Variants in AKAP9 observed in about 807,000 individuals in gnomAD.
AKAP9 encodes A-kinase anchor protein 9.
A neutral mutation model predicts 488.5 loss-of-function variants in AKAP9; 311 were observed. That is an observed-to-expected ratio of 0.64 (90% CI 0.58 to 0.70). The LOEUF is 0.70. Ranked by LOEUF, AKAP9 falls within the 30% of genes least tolerant of loss-of-function variation. The pLI is 0.00. For missense variants in AKAP9, 4,215 were observed against 4,374.5 expected, an observed-to-expected ratio of 0.96 and a Z score of 1.03; for synonymous variants, 1,462 against 1,483.5, an observed-to-expected ratio of 0.99 and a Z score of 0.33.
intron 46 of AKAP9, among the ~76,000 whole-genome samples, 199 bp downstream of exon 46, chr7:92,103,025 A>G (rs1265292364): frequency 6.6e-6 from 1 of 152,080 alleles, no homozygotes; most frequent in Non-Finnish European, 1.5e-5. Flanking sequence ...TGTGTAAACT[A>G]TGAAAAGGGC....
intron 1 of AKAP9, among the ~76,000 whole-genome samples, chr7:91,946,549 T>G (rs928634428): frequency 6.6e-6 from 1 of 152,044 alleles, no homozygotes; most frequent in Non-Finnish European, 1.5e-5. Flanking sequence ...TTGTTAAAAT[T>G]TTTTTGTAGA....
chr7:92,012,959 G>A (rs1019764435), intron 9 of AKAP9, among the ~76,000 whole-genome samples: 1 of 146,682 alleles, frequency 6.8e-6, no homozygotes, highest in African/African-American at 2.5e-5. Flanking sequence ...GTGGTAGACA[G>A]TGGTGGGGTT....
chr7:92,038,840 T>A, intron 17 of AKAP9, 68 bp downstream of exon 17: 2 of 1,041,896 alleles, frequency 1.9e-6, no homozygotes, highest in Non-Finnish European at 2.9e-6. Flanking sequence ...TTAAAAATAT[T>A]AGCAATAGTG....
Position 92,083,290 on chromosome 7 carries a change from A to T in AKAP9, c.8281A>T (p.Ser2761Cys), listed in dbSNP as rs371571557. 1 of 1,614,198 alleles carries T rather than the reference A, an allele frequency of 6.2e-7. No individual in the cohort carries two copies. The highest frequency in any genetic ancestry group is 8.5e-7 in the Non-Finnish European group (1 of 1,180,028). Residue 2761 changes from serine (S) to cysteine (C), a missense_variant, in exon 33 of 50, where the codon AGC (serine) becomes TGC (cysteine). Around this residue, in one of 5 missense-constraint regions of AKAP9, gnomAD observed 1,476 missense variants for 1,477.4 expected, o/e 1.00. Coordinates refer to ENST00000356239, the MANE Select transcript of AKAP9 (RefSeq NM_005751.5). ...AGAAGATGAGACTGAGGTACAAGAA[A>T]GCAAAAAGGCCTGCATGTTTGAGCC... ...EKEDETEVQE[S>C]KKACMFEPLP...
At chr7:91,984,015 T>C (rs1796760731) in intron 3 of AKAP9, among the ~76,000 whole-genome samples, 1 of 152,240 alleles carries the variant, frequency 6.6e-6, no homozygotes, top group Admixed American at 6.5e-5. Context: ...AAGTTCTTTA[T>C]AGATTCTGGA....
At chr7:92,081,983 T>C (rs1029691906) in intron 31 of AKAP9, among the ~76,000 whole-genome samples, 2 of 152,216 alleles carry the variant, frequency 1.3e-5, no homozygotes, top group Non-Finnish European at 2.9e-5. Context: ...CTTTTTTTCC[T>C]GGACACAGAG....
In AKAP9 at chr7:92,101,184, C is replaced by T. The variant is rs1817460215; in HGVS notation, c.11097+128C>T. 4.6e-6 allele frequency: 4 copies of T among 877,078 alleles called. No homozygotes were observed. In the South Asian group the frequency reaches 7.3e-5, roughly 16 times the overall value. The allele number at this position is 877,078 out of a possible 1,614,324, so 54.3% of individuals were successfully genotyped here. A position where few individuals can be genotyped will look rare whatever the true frequency, so the allele number is the denominator to read the frequency against. On this transcript the variant is annotated intron_variant, in intron 45 of 49. Transcript: ENST00000356239. Reference sequence around the variant, plus strand: ...TGGCACAGTGGTTCACGCCTATAGTCCCAGCACTTTGGGAGGCCGAGATGG... The same window carrying T: ...TGGCACAGTGGTTCACGCCTATAGTTCCAGCACTTTGGGAGGCCGAGATGG...
Position 92,086,304 on chromosome 7 carries a change from T to C in AKAP9, c.9101T>C (p.Phe3034Ser). Reference sequence around the variant, plus strand: ...CTACTGCTTGCCCTTCAACAAGTTTTCTTAGAAGAGCGTAGTGTTTTACTA... The same window carrying C: ...CTACTGCTTGCCCTTCAACAAGTTTCCTTAGAAGAGCGTAGTGTTTTACTA... The part of the protein sequence containing the change: ...GELLLALQQV[F>S]LEERSVLLAA... The change falls in exon 37 of 50, where the codon TTC (phenylalanine) becomes TCC (serine). Residue 3034 changes from phenylalanine (F) to serine (S), a missense_variant. This residue lies in a region of AKAP9 where 1,476 missense variants were observed against 1,477.4 expected (regional missense o/e 1.00). Coordinates refer to ENST00000356239, the MANE Select transcript of AKAP9 (RefSeq NM_005751.5). The C allele has an allele frequency of 6.2e-7, 1 of 1,614,158 alleles. No individual in the cohort carries two copies. Among genetic ancestry groups the C allele is most frequent in the South Asian group, 1.1e-5 (1 of 91,082 alleles).
rs765081318 is a variant in AKAP9, at chr7:92,062,342, A to G, written c.5833A>G (p.Ile1945Val). 5.0e-6 allele frequency: 8 copies of G among 1,613,894 alleles called. No individual in the cohort carries two copies. Among genetic ancestry groups the G allele is most frequent in the Admixed American group, 3.3e-5 (2 of 60,004 alleles). The change falls in exon 24 of 50, where the codon ATA becomes GTA. Residue 1945 changes from isoleucine (I) to valine (V), a missense_variant. Transcript: ENST00000356239. ...GCAAATTCAGGAAAAAACTGATATA[A>G]TAGATCGTCTTGAGCAGGAGTTGTT... The part of the protein sequence containing the change: ...ERQIQEKTDI[I>V]DRLEQELLCA...
At chr7:91,943,266 T>C (rs1158949374) in intron 1 of AKAP9, among the ~76,000 whole-genome samples, 3 of 152,138 alleles carry the variant, frequency 2.0e-5, no homozygotes, top group Admixed American at 1.3e-4. Flanking sequence ...GGAATCATTT[T>C]CTAAGTTATA....
chr7:92,050,216 C>T (rs1290159588), intron 21 of AKAP9, among the ~76,000 whole-genome samples: 3 of 152,114 alleles, frequency 2.0e-5, no homozygotes, highest in Non-Finnish European at 4.4e-5. Flanking sequence ...AGGCACGTGC[C>T]ACCATGGCCA....
At chr7:92,044,926 A>G in intron 20 of AKAP9, 82 bp from the exon 21 acceptor site, 1 of 1,027,088 alleles carries the variant, frequency 9.7e-7, no homozygotes. Flanking sequence ...AATATTTTGC[A>G]GTGTACTTTT....
At chr7:91,963,173 A>C (rs1474514398) in intron 1 of AKAP9, among the ~76,000 whole-genome samples, 1 of 152,140 alleles carries the variant, frequency 6.6e-6, no homozygotes, top group African/African-American at 2.4e-5. Flanking sequence ...GTTTATTTTT[A>C]AGAATGAATT....
At chr7:92,107,176 A>G in intron 47 of AKAP9, 117 bp from the exon 48 acceptor site, 3 of 1,001,572 alleles carry the variant, frequency 3.0e-6, no homozygotes, top group Non-Finnish European at 4.5e-6. Context: ...ATGACTATAA[A>G]TAGGAGATTG....
chr7:92,064,157 C>T (rs1158438054), intron 24 of AKAP9, among the ~76,000 whole-genome samples: 1 of 152,054 alleles, frequency 6.6e-6, no homozygotes, highest in African/African-American at 2.4e-5. Context: ...AATGCTCCTT[C>T]TAAATCAGGA....
chr7:91,982,476 A>G (rs1183622510), intron 3 of AKAP9, among the ~76,000 whole-genome samples: 2 of 152,094 alleles, frequency 1.3e-5, no homozygotes, highest in South Asian at 2.1e-4. Context: ...TTTGCTCAGA[A>G]TGATGGTTTC....
chr7:91,994,016 T>G (rs1336180554), intron 5 of AKAP9, among the ~76,000 whole-genome samples: 1 of 152,058 alleles, frequency 6.6e-6, no homozygotes, highest in Non-Finnish European at 1.5e-5. Flanking sequence ...GTAGTCCTAG[T>G]TACTTGGGAG....
intron 26 of AKAP9, among the ~76,000 whole-genome samples, chr7:92,068,223 A>G (rs1046614684): frequency 8.6e-5 from 13 of 151,638 alleles, no homozygotes; most frequent in African/African-American, 3.1e-4. Context: ...AAAATTAGCC[A>G]GGCGTGGTGG....
At chr7:91,989,213 T>C (rs1797475274) in intron 3 of AKAP9, among the ~76,000 whole-genome samples, 1 of 152,124 alleles carries the variant, frequency 6.6e-6, no homozygotes, top group South Asian at 2.1e-4. Flanking sequence ...ATTGTATTTA[T>C]TTAGGTATAT....
Sources: gnomAD v4.1 joint callset for allele counts (sites outside exome capture counted in the v4.1 genomes callset) on GRCh38, gnomAD v4.1.1 for gene constraint, gnomAD v4.1.1 regional missense constraint, MANE v1.5 for transcripts, NCBI Gene and HGNC (gene_info 2026-07-23, HGNC 2026-07-21) for gene names.